The following UGT1A6 variants were observed in gnomAD, a reference collection of about 807,000 sequenced individuals.
The protein encoded by UGT1A6 is UDP-glucuronosyltransferase 1A6.
UGT1A6 carries 32 observed loss-of-function variants against 44.4 expected under a neutral mutation model. The observed-to-expected ratio is 0.72, with a 90% CI of 0.54 to 0.97. The LOEUF is 0.97. Ranked by LOEUF, UGT1A6 falls within the 50% of genes least tolerant of loss-of-function variation. UGT1A6 has a pLI of 0.00. For synonymous variants in UGT1A6, 238 were observed against 248.5 expected (o/e 0.96, Z 0.40); for missense variants, 685 against 661.9 (o/e 1.03, Z -0.38).
At chr2:233,718,732 G>T (rs2076679181) in intron 1 of UGT1A6, 8 of 1,611,122 alleles carry the variant, frequency 5.0e-6, no homozygotes, top group Non-Finnish European at 5.9e-6. Flanking sequence ...TTGCTAGGTG[G>T]CTCAATGACA....
intron 1 of UGT1A6, chr2:233,719,070 T>A (rs144655870): frequency 6.2e-7 from 1 of 1,614,284 alleles, no homozygotes; most frequent in East Asian, 2.2e-5. Context: ...TGCTGTTCCA[T>A]GGACCCAGAA....
chr2:233,772,733 G>A lies in UGT1A6; in HGVS notation c.*174G>A, dbSNP rs1019873826. 7 of 1,442,156 alleles carry A rather than the reference G, an allele frequency of 4.9e-6. No homozygotes were observed. Among genetic ancestry groups the A allele is most frequent in the Non-Finnish European group, 6.4e-6 (7 of 1,099,298 alleles). The allele number at this position is 1,442,156 out of a possible 1,614,324, so 89.3% of individuals were successfully genotyped here. A position where few individuals can be genotyped will look rare whatever the true frequency, so the allele number is the denominator to read the frequency against. ...TTAAATAAAAATAATAGACTCGCTA[G>A]TCAGTAAAGATATTTGAATATGTAT... On this transcript the variant is annotated 3_prime_UTR_variant, in exon 5 of 5. Coordinates refer to ENST00000305139, the MANE Select transcript of UGT1A6 (RefSeq NM_001072.4).
intron 1 of UGT1A6, among the ~76,000 whole-genome samples, chr2:233,724,347 C>T (rs1207944594): frequency 5.4e-5 from 8 of 147,950 alleles, no homozygotes; most frequent in East Asian, 2.1e-4. Flanking sequence ...CTGACCCCCC[C>T]CACCTCCCTC....
intron 1 of UGT1A6, chr2:233,713,074 G>A (rs2076276238): frequency 3.1e-6 from 5 of 1,614,210 alleles, no homozygotes; most frequent in South Asian, 1.1e-5. Flanking sequence ...TGGGCTGAGA[G>A]TGGGAAGGTG....
At chr2:233,706,642 G>C (rs1025573641) in intron 1 of UGT1A6, among the ~76,000 whole-genome samples, 2 of 152,160 alleles carry the variant, frequency 1.3e-5, no homozygotes, top group African/African-American at 4.8e-5. Context: ...TACTGTGTCT[G>C]TGCCCCATCA....
At chr2:233,751,910 A>T (rs1006806920) in intron 1 of UGT1A6, among the ~76,000 whole-genome samples, 1 of 152,180 alleles carries the variant, frequency 6.6e-6, no homozygotes. Flanking sequence ...AGAACAGACT[A>T]ATACAAGATT....
At position 233,769,924 on chromosome 2, in the gene UGT1A6, G is replaced by A. The variant is rs1699985317; in HGVS notation, c.1301+1485G>A. On this transcript the variant is annotated intron_variant, in intron 4 of 4. Coordinates refer to ENST00000305139, the MANE Select transcript of UGT1A6 (RefSeq NM_001072.4). This position sits in a 1 kb window ranked among gnomAD's most constrained non-coding sequence, Gnocchi z 4.4. Reference sequence around the variant, plus strand: ...TCATGTGCCCAGAGCGTTGGGTGGTGTGGTCCCATTCCTTCCTTCCAGCGG... The same window carrying A: ...TCATGTGCCCAGAGCGTTGGGTGGTATGGTCCCATTCCTTCCTTCCAGCGG... 1.1e-5 allele frequency: 3 copies of A among 268,160 alleles called. No individual in the cohort carries two copies. In the South Asian group the frequency reaches 2.2e-4, roughly 20 times the overall value. 16.6% of individuals were successfully genotyped at this position (268,160 alleles called of 1,614,324 possible). A position where few individuals can be genotyped will look rare whatever the true frequency, so the allele number is the denominator to read the frequency against.
chr2:233,718,389 G>C (rs2125660033), intron 1 of UGT1A6, among the ~76,000 whole-genome samples: 1 of 152,356 alleles, frequency 6.6e-6, no homozygotes, highest in South Asian at 2.1e-4. Flanking sequence ...AGTTTCAAGG[G>C]TTAGCAAATA....
At chr2:233,730,131 C>T (rs2077990612) in intron 1 of UGT1A6, 1 of 1,535,524 alleles carries the variant, frequency 6.5e-7, no homozygotes, top group Middle Eastern at 2.3e-4. Context: ...TAATAGCCTT[C>T]AGTGAGATAA....
rs769416194 is a variant in UGT1A6 at position 233,748,156 on chromosome 2, T to A, written c.862-18878T>A. On this transcript the variant is annotated intron_variant, in intron 1 of 4. Coordinates refer to ENST00000305139, the MANE Select transcript of UGT1A6 (RefSeq NM_001072.4). ...AAAATTGTATTTACTTACAATTGCT[T>A]CCATATCTACTTATCTTTCTGGTGC... is the stretch of plus-strand genomic sequence containing the variant. The A allele has an allele frequency of 2.7e-4, 434 of 1,601,764 alleles. 1 individual carries two copies. Among genetic ancestry groups the A allele is most frequent in the Non-Finnish European group, 3.4e-4 (402 of 1,173,972 alleles).
intron 1 of UGT1A6, chr2:233,741,799 G>C (rs1253457401): frequency 6.6e-6 from 1 of 151,906 alleles, no homozygotes; most frequent in Non-Finnish European, 1.5e-5. Flanking sequence ...TTACCAGCAT[G>C]CTGCTCTTAA....
intron 1 of UGT1A6, among the ~76,000 whole-genome samples, chr2:233,762,329 A>G (rs1333390558): frequency 6.6e-6 from 1 of 152,248 alleles, no homozygotes; most frequent in Non-Finnish European, 1.5e-5. Flanking sequence ...GTAATCCACA[A>G]TAGCTCTTTT....
intron 1 of UGT1A6, among the ~76,000 whole-genome samples, chr2:233,708,890 A>G (rs1437583883): frequency 1.3e-5 from 2 of 152,008 alleles, no homozygotes; most frequent in Non-Finnish European, 2.9e-5. Context: ...GAACAATCTC[A>G]GGGGCTATCT....
intron 1 of UGT1A6, chr2:233,760,942 C>T: frequency 6.2e-7 from 1 of 1,614,210 alleles, no homozygotes. Flanking sequence ...TGCCTTTTCA[C>T]AGAACTTTCT....
At chr2:233,718,901 G>A (rs377204506) in intron 1 of UGT1A6, 4 of 1,613,882 alleles carry the variant, frequency 2.5e-6, no homozygotes, top group African/African-American at 1.3e-5. Flanking sequence ...CCTGGGCTGA[G>A]AGTGGAAAGG....
intron 1 of UGT1A6, chr2:233,743,758 G>A (rs761738753): frequency 1.5e-6 from 2 of 1,367,328 alleles, no homozygotes; most frequent in South Asian, 2.3e-5. Context: ...ACAACACCTC[G>A]TAGGCCTCGG....
chr2:233,745,046 G>T (rs1021131728), intron 1 of UGT1A6, among the ~76,000 whole-genome samples: 1 of 151,780 alleles, frequency 6.6e-6, no homozygotes, highest in African/African-American at 2.4e-5. Flanking sequence ...TACAGTATTG[G>T]TTTTTTATTT....
chr2:233,704,835 A>AT, intron 1 of UGT1A6, among the ~76,000 whole-genome samples: 1 of 152,086 alleles, frequency 6.6e-6, no homozygotes, highest in Non-Finnish European at 1.5e-5. Context: ...TGCTTTTAAA[A>AT]TCAGTTAAGA....
intron 1 of UGT1A6, chr2:233,713,240 A>C: frequency 6.2e-7 from 1 of 1,614,264 alleles, no homozygotes; most frequent in Non-Finnish European, 8.5e-7. Flanking sequence ...ATGCCATTTC[A>C]TGGACCCAGG....
Sources: allele counts gnomAD v4.1 joint callset (sites outside exome capture counted in the v4.1 genomes callset), GRCh38; gene constraint gnomAD v4.1.1; non-coding constraint Gnocchi (gnomAD v3.1); transcripts MANE v1.5; gene names NCBI Gene and HGNC (gene_info 2026-07-23, HGNC 2026-07-21).